Variants in IQSEC1 observed in about 807,000 individuals in gnomAD.
The protein encoded by IQSEC1 is IQ motif and Sec7 domain ArfGEF 1, also known as IQ motif and SEC7 domain-containing protein 1.
In IQSEC1, 31 loss-of-function variants were observed where a neutral mutation model predicts 91.0. That is an observed-to-expected ratio of 0.34 (90% confidence interval 0.26 to 0.46). The LOEUF is 0.46. Among genes scored for constraint, IQSEC1 ranks in the 20% least tolerant of loss-of-function variants. The pLI is 1.00. For missense variants in IQSEC1, 1,388 were observed against 1,575.6 expected, an observed-to-expected ratio of 0.88 and a Z score of 2.02; for synonymous variants, 699 against 662.6, an observed-to-expected ratio of 1.05 and a Z score of -0.84.
chr3:12,925,701 G>A (rs575462957), intron 3 of IQSEC1, among the ~76,000 whole-genome samples: 1 of 152,352 alleles, frequency 6.6e-6, no homozygotes, highest in South Asian at 2.1e-4. Flanking sequence ...TGGTGCCCAA[G>A]GTGTGTGCAG....
chr3:13,035,638 G>T (rs543002476), intron 1 of IQSEC1, among the ~76,000 whole-genome samples: 3 of 152,294 alleles, frequency 2.0e-5, no homozygotes, highest in African/African-American at 4.8e-5. Context: ...ATTTGCTATT[G>T]TGGTAGATTC....
At chr3:12,998,532 T>A (rs1702304214) in intron 1 of IQSEC1, among the ~76,000 whole-genome samples, 1 of 152,066 alleles carries the variant, frequency 6.6e-6, no homozygotes, top group African/African-American at 2.4e-5. Flanking sequence ...TTACCTGTAA[T>A]CCCAGCTGCT....
intron 1 of IQSEC1, among the ~76,000 whole-genome samples, chr3:13,014,075 T>C (rs905625878): frequency 6.6e-6 from 1 of 152,128 alleles, no homozygotes; most frequent in African/African-American, 2.4e-5. Flanking sequence ...CAAAGGCAGG[T>C]TGCTGCTGGA....
At chr3:13,272,255 C>T (rs943157560) in intron 1 of IQSEC1, among the ~76,000 whole-genome samples, 1 of 152,100 alleles carries the variant, frequency 6.6e-6, no homozygotes, top group African/African-American at 2.4e-5. Flanking sequence ...AATAATGCTC[C>T]CCACTTCACA....
chr3:13,005,958 CTCTG>C (rs1702618059), intron 1 of IQSEC1, among the ~76,000 whole-genome samples: 3 of 152,218 alleles, frequency 2.0e-5, no homozygotes, highest in Admixed American at 2.0e-4. Flanking sequence ...AAACCAGGTA[CTCTG>C]TCTGATATGA....
chr3:13,181,133 T>C (rs187770832), intron 1 of IQSEC1, among the ~76,000 whole-genome samples: 57 of 152,082 alleles, frequency 3.7e-4, no homozygotes, highest in Middle Eastern at 3.4e-3. Context: ...TAGCCGGGCG[T>C]GGTGGCGGGC....
chr3:12,995,912 C>T (rs1702208608), intron 1 of IQSEC1, among the ~76,000 whole-genome samples: 1 of 152,192 alleles, frequency 6.6e-6, no homozygotes, highest in Non-Finnish European at 1.5e-5. Flanking sequence ...GGTGTGGTGG[C>T]TCATGCCTGT....
rs185022835 is a variant in IQSEC1 at position 12,932,471 on chromosome 3, C to T, written c.1568+2977G>A. On this transcript the variant is annotated intron_variant, in intron 3 of 13. Transcript: ENST00000613206. ...CTCACCCACTGCACAGGGTAACGTG[C>T]GTTAGCGCGTGACAGGCCCTGGGAA... 5.4e-4 allele frequency among the ~76,000 whole-genome samples: 82 copies of T among 152,302 alleles called. No homozygotes were observed. In the East Asian group the frequency reaches 0.014, roughly 25 times the overall value.
Position 13,094,616 on chromosome 3 carries a change from A to T in IQSEC1, c.303-47094T>A, listed in dbSNP as rs546560585. Among the ~76,000 whole-genome samples, 108 of 152,210 alleles carry T rather than the reference A, an allele frequency of 7.1e-4. 1 individual carries two copies. Among genetic ancestry groups the T allele is most frequent in the African/African-American group, 2.3e-3 (95 of 41,534 alleles). On this transcript the variant is annotated intron_variant, in intron 2 of 15. Transcript: ENST00000648114. Reference sequence around the variant, plus strand: ...TACTGTTCGTGGATCAGCCTGTGAGACTGCTTCCACCATTCCCCTCATAAT... The same window carrying T: ...TACTGTTCGTGGATCAGCCTGTGAGTCTGCTTCCACCATTCCCCTCATAAT...
At chr3:13,277,942 CGGCA>C (rs1695721350) in intron 1 of IQSEC1, among the ~76,000 whole-genome samples, 1 of 152,130 alleles carries the variant, frequency 6.6e-6, no homozygotes, top group Admixed American at 6.5e-5. Flanking sequence ...CAGGGGCTCC[CGGCA>C]GGACCCTCCT....
At chr3:13,029,792 G>C (rs1033167287) in intron 1 of IQSEC1, among the ~76,000 whole-genome samples, 1 of 152,226 alleles carries the variant, frequency 6.6e-6, no homozygotes, top group African/African-American at 2.4e-5. Flanking sequence ...AAGGACTGCA[G>C]CACCCTGGGC....
At position 12,908,728 on chromosome 3, in the gene IQSEC1, A is replaced by C. The variant is rs1559607697; in HGVS notation, c.2579-203T>G. Among the ~76,000 whole-genome samples the C allele has an allele frequency of 1.3e-5, 2 of 152,076 alleles. No homozygotes were observed. The highest frequency in any genetic ancestry group is 2.9e-5 in the Non-Finnish European group (2 of 68,002). ...TCCCAGGAGGGAGGCTAGAGAGACC[A>C]GAGGGCCTTGTGACCTGCAGGAAGG... is the stretch of plus-strand genomic sequence containing the variant. On this transcript the variant is annotated intron_variant, in intron 11 of 13. Coordinates refer to ENST00000613206, the MANE Select transcript of IQSEC1 (RefSeq NM_001134382.3). The surrounding 1 kb of genome is among the most constrained non-coding windows in gnomAD (Gnocchi z 4.9).
intron 1 of IQSEC1, among the ~76,000 whole-genome samples, chr3:12,956,878 G>A (rs966677941): frequency 4.6e-5 from 7 of 152,222 alleles, no homozygotes; most frequent in African/African-American, 1.7e-4. Flanking sequence ...CACAACGGGT[G>A]TCACTCCTGC....
chr3:13,156,246 TA>T (rs1194875778), intron 2 of IQSEC1, among the ~76,000 whole-genome samples: 1 of 151,250 alleles, frequency 6.6e-6, no homozygotes, highest in Non-Finnish European at 1.5e-5. Flanking sequence ...AAATAAAAAT[TA>T]AAAATAAAAT....
Position 12,936,123 on chromosome 3 carries a change from A to G in IQSEC1, c.893T>C (p.Leu298Pro). ...DVTLYIDEEE[L>P]SPPLPLSQAG... ...CTGCGAGAGGGGCAGAGGGGGCGAC[A>G]GCTCCTCCTCATCGATGTACAGGGT... The change falls in exon 3 of 14, where the codon CTG (leucine) becomes CCG (proline). Residue 298 changes from leucine to proline, a missense_variant. Around this residue, in one of 2 missense-constraint regions of IQSEC1, gnomAD observed 1,059 missense variants for 1,317.8 expected, o/e 0.80. Transcript: ENST00000613206. 1 of 1,612,010 alleles carries G rather than the reference A, an allele frequency of 6.2e-7. No individual in the cohort carries two copies. The highest frequency in any genetic ancestry group is 8.5e-7 in the Non-Finnish European group (1 of 1,179,822).
chr3:13,129,544 C>T (rs1706571804), intron 2 of IQSEC1, among the ~76,000 whole-genome samples: 1 of 151,816 alleles, frequency 6.6e-6, no homozygotes. Flanking sequence ...CAAAACAAAA[C>T]AGTTTTTAAG....
Position 12,967,661 on chromosome 3 carries a change from A to AAGCCCGCCC in IQSEC1, c.24-25805_24-25797dup. On this transcript the variant is annotated intron_variant, in intron 1 of 13. Coordinates refer to ENST00000613206, the MANE Select transcript of IQSEC1 (RefSeq NM_001134382.3). This position sits in a 1 kb window ranked among gnomAD's most constrained non-coding sequence, Gnocchi z 5.9. ...CCCAAGTCCGAGCCCCAGGCCAGCC[A>AAGCCCGCCC]AGCCCGCCCCTCCGCCGCCGCCCGC... The AAGCCCGCCC allele has an allele frequency of 8.4e-7, 1 of 1,185,636 alleles. No individual in the cohort carries two copies. The highest frequency in any genetic ancestry group is 1.0e-6 in the Non-Finnish European group (1 of 959,646). 73.4% of individuals were successfully genotyped at this position (1,185,636 alleles called of 1,614,324 possible). A position where few individuals can be genotyped will look rare whatever the true frequency, so the allele number is the denominator to read the frequency against.
chr3:12,964,488 GTGCC>G (rs1700439835), intron 1 of IQSEC1, among the ~76,000 whole-genome samples: 1 of 152,230 alleles, frequency 6.6e-6, no homozygotes, highest in Non-Finnish European at 1.5e-5. Context: ...CGGGTCATTG[GTGCC>G]TGGGAAGAGC....
At chr3:12,912,563 CT>C (rs1250205286) in intron 9 of IQSEC1, among the ~76,000 whole-genome samples, 22 of 150,130 alleles carry the variant, frequency 1.5e-4, no homozygotes, top group Admixed American at 1.1e-3. Context: ...ACTCGGGAGG[CT>C]GAGGCAGGAG....
Sources: allele counts gnomAD v4.1 joint callset (sites outside exome capture counted in the v4.1 genomes callset), GRCh38; gene constraint gnomAD v4.1.1; regional missense constraint gnomAD v4.1.1; non-coding constraint Gnocchi (gnomAD v3.1); transcripts MANE v1.5; gene names NCBI Gene and HGNC (gene_info 2026-07-23, HGNC 2026-07-21).